NTM: variants seen among roughly 807,000 people sequenced by gnomAD.
The protein encoded by NTM is IgLON family member 2.
In NTM, 13 loss-of-function variants were observed where a neutral mutation model predicts 42.1. The observed-to-expected ratio is 0.31, with a 90% CI of 0.20 to 0.49. The LOEUF is 0.49. Among genes scored for constraint, NTM ranks in the 20% least tolerant of loss-of-function variants. The pLI, the probability that NTM is intolerant of heterozygous loss-of-function variation, is 0.99. For synonymous variants in NTM, 187 were observed against 179.2 expected, an observed-to-expected ratio of 1.04 and a Z score of -0.35; for missense variants, 373 against 452.8, an observed-to-expected ratio of 0.82 and a Z score of 1.60.
chr11:132,287,461 G>C (rs2094289417), intron 4 of NTM, among the ~76,000 whole-genome samples: 1 of 152,168 alleles, frequency 6.6e-6, no homozygotes, highest in East Asian at 1.9e-4. Context: ...TGACTGAGCA[G>C]AGGACCCTAG....
At chr11:132,169,980 G>A (rs1365638358) in intron 3 of NTM, among the ~76,000 whole-genome samples, 1 of 152,154 alleles carries the variant, frequency 6.6e-6, no homozygotes, top group Non-Finnish European at 1.5e-5. Context: ...CTCTGTTTAG[G>A]AAAAGAGTGA....
intron 1 of NTM, among the ~76,000 whole-genome samples, chr11:131,414,909 T>G (rs1946787092): frequency 6.6e-6 from 1 of 152,196 alleles, no homozygotes; most frequent in Non-Finnish European, 1.5e-5. Context: ...CCCAGGCCTT[T>G]GGAAAGCAAA....
intron 1 of NTM, among the ~76,000 whole-genome samples, chr11:131,742,779 C>A (rs1320730410): frequency 6.6e-6 from 1 of 151,970 alleles, no homozygotes; most frequent in South Asian, 2.1e-4. Flanking sequence ...AAGCATAATG[C>A]ATTTAAGAAG....
At chr11:131,756,687 G>A (rs2083385578) in intron 1 of NTM, among the ~76,000 whole-genome samples, 1 of 150,806 alleles carries the variant, frequency 6.6e-6, no homozygotes, top group African/African-American at 2.4e-5. Flanking sequence ...CAAGACCTCT[G>A]TCTCACACAC....
intron 1 of NTM, among the ~76,000 whole-genome samples, chr11:131,561,511 G>A (rs2056225669): frequency 6.6e-6 from 1 of 152,178 alleles, no homozygotes; most frequent in East Asian, 1.9e-4. Flanking sequence ...GTGGACTCTT[G>A]AGACACTCAT....
chr11:132,082,411 G>A (rs1321512550), intron 2 of NTM, among the ~76,000 whole-genome samples: 1 of 152,164 alleles, frequency 6.6e-6, no homozygotes, highest in Non-Finnish European at 1.5e-5. Context: ...ATGAATTCCT[G>A]GTGGCTCCAC....
chr11:131,921,471 C>G (rs766720133), intron 2 of NTM, among the ~76,000 whole-genome samples: 1 of 152,130 alleles, frequency 6.6e-6, no homozygotes, highest in Non-Finnish European at 1.5e-5. Flanking sequence ...CCTGCCAACA[C>G]GGTGATCTCC....
intron 4 of NTM, among the ~76,000 whole-genome samples, 164 bp downstream of exon 4, chr11:132,212,311 C>T (rs1003392884): frequency 1.3e-5 from 2 of 152,098 alleles, no homozygotes; most frequent in African/African-American, 4.8e-5. Flanking sequence ...ATGTTCTCTG[C>T]AAAACAGCCA....
At chr11:132,255,214 C>G (rs192918116) in intron 4 of NTM, among the ~76,000 whole-genome samples, 1 of 152,216 alleles carries the variant, frequency 6.6e-6, no homozygotes, top group East Asian at 1.9e-4. Context: ...AGTCTGATCT[C>G]TTTCTACTCC....
chr11:131,776,426 A>G (rs2086985520), intron 1 of NTM, among the ~76,000 whole-genome samples: 1 of 152,196 alleles, frequency 6.6e-6, no homozygotes, highest in Admixed American at 6.5e-5. Flanking sequence ...CCTGAGAAGC[A>G]CGGGCTCAGT....
intron 1 of NTM, among the ~76,000 whole-genome samples, chr11:131,467,482 C>T (rs1952004752): frequency 6.6e-6 from 1 of 152,208 alleles, no homozygotes; most frequent in Non-Finnish European, 1.5e-5. Flanking sequence ...ACTCTATTAT[C>T]TGGCCAAGTG....
chr11:131,927,203 A>G (rs2058060467), intron 2 of NTM, among the ~76,000 whole-genome samples: 1 of 152,240 alleles, frequency 6.6e-6, no homozygotes, highest in South Asian at 2.1e-4. Flanking sequence ...GATTATCTCC[A>G]TTTGTGGCTG....
intron 1 of NTM, among the ~76,000 whole-genome samples, chr11:131,739,515 G>A (rs1256517114): frequency 6.6e-6 from 1 of 152,172 alleles, no homozygotes; most frequent in Non-Finnish European, 1.5e-5. Flanking sequence ...CGGATGGCAA[G>A]CCTCTCCTCA....
intron 1 of NTM, among the ~76,000 whole-genome samples, chr11:131,607,043 A>G (rs962450861): frequency 2.7e-4 from 41 of 152,342 alleles, no homozygotes; most frequent in African/African-American, 9.4e-4. Context: ...ATCCCCTTTG[A>G]TGCCCTGAGT....
intron 1 of NTM, among the ~76,000 whole-genome samples, chr11:131,772,254 G>A (rs963964158): frequency 6.6e-6 from 1 of 152,126 alleles, no homozygotes; most frequent in Non-Finnish European, 1.5e-5. Context: ...ATAGGAGGCC[G>A]AATTCTAAGA....
chr11:131,453,314 G>A (rs1315917763), intron 1 of NTM, among the ~76,000 whole-genome samples: 1 of 152,166 alleles, frequency 6.6e-6, no homozygotes, highest in Non-Finnish European at 1.5e-5. Context: ...CCCCGTATGT[G>A]CCTTCAAAGA....
chr11:132,163,842 T>G (rs1025385267), intron 3 of NTM, among the ~76,000 whole-genome samples: 9 of 152,168 alleles, frequency 5.9e-5, no homozygotes, highest in African/African-American at 1.9e-4. Flanking sequence ...GTTGAGGTCC[T>G]CCTCAGAAAT....
At chr11:131,936,573 C>A (rs1420278707) in intron 2 of NTM, among the ~76,000 whole-genome samples, 2 of 152,166 alleles carry the variant, frequency 1.3e-5, no homozygotes, top group Non-Finnish European at 2.9e-5. Context: ...GCATGAAAAT[C>A]CTAGACTTCA....
intron 1 of NTM, among the ~76,000 whole-genome samples, chr11:131,515,701 A>G (rs1303314868): frequency 6.6e-6 from 1 of 152,212 alleles, no homozygotes; most frequent in African/African-American, 2.4e-5. Context: ...ATAAACTTAC[A>G]GAGTTATGAC....
Sources: gnomAD v4.1 joint callset for allele counts (sites outside exome capture counted in the v4.1 genomes callset) on GRCh38, gnomAD v4.1.1 for gene constraint, MANE v1.5 for transcripts, NCBI Gene and HGNC (gene_info 2026-07-23, HGNC 2026-07-21) for gene names.